Variants in HCN1 observed in about 807,000 individuals in gnomAD.
HCN1 encodes potassium/sodium hyperpolarization-activated cyclic nucleotide-gated channel 1.
A neutral mutation model predicts 78.9 loss-of-function variants in HCN1; 13 were observed. The observed-to-expected ratio is 0.16, with a 90% CI of 0.11 to 0.26. The LOEUF is 0.26. Ranked by LOEUF, HCN1 falls within the 10% of genes least tolerant of loss-of-function variation. The probability of loss-of-function intolerance (pLI) is 1.00; values close to 1 mark genes in which losing one functional copy is unlikely to be tolerated. For synonymous variants in HCN1, 552 were observed against 455.5 expected (o/e 1.21, Z -2.70); for missense variants, 810 against 1,154.3 (o/e 0.70, Z 4.32).
intron 2 of HCN1, among the ~76,000 whole-genome samples, chr5:45,638,719 A>T (rs1258454034): frequency 6.6e-6 from 1 of 152,184 alleles, no homozygotes; most frequent in African/African-American, 2.4e-5. Flanking sequence ...CCTGGCCAAC[A>T]TGGTGAAACC....
chr5:45,292,212 C>T (rs755942434), intron 6 of HCN1, among the ~76,000 whole-genome samples: 10 of 151,948 alleles, frequency 6.6e-5, no homozygotes, highest in Admixed American at 6.6e-5. Context: ...CCTTGCAAAT[C>T]TCCATTATCT....
intron 3 of HCN1, among the ~76,000 whole-genome samples, chr5:45,398,386 A>G (rs1739725091): frequency 6.6e-6 from 1 of 152,154 alleles, no homozygotes; most frequent in African/African-American, 2.4e-5. Flanking sequence ...TGACATTGAT[A>G]TAATGTACTC....
chr5:45,317,077 A>G (rs1305678533), intron 5 of HCN1, among the ~76,000 whole-genome samples: 2 of 152,168 alleles, frequency 1.3e-5, no homozygotes, highest in Admixed American at 1.3e-4. Context: ...TTTAAAGTTC[A>G]TATGGGGCCA....
intron 5 of HCN1, among the ~76,000 whole-genome samples, chr5:45,343,851 A>G (rs1038678339): frequency 6.6e-6 from 1 of 151,988 alleles, no homozygotes; most frequent in Non-Finnish European, 1.5e-5. Context: ...AAGCCAAAAA[A>G]AAATTAAAAA....
chr5:45,430,163 A>G (rs1391557263), intron 3 of HCN1, among the ~76,000 whole-genome samples: 1 of 152,216 alleles, frequency 6.6e-6, no homozygotes, highest in Non-Finnish European at 1.5e-5. Context: ...TCTGTCTTAC[A>G]ATTAGGCAGA....
intron 3 of HCN1, among the ~76,000 whole-genome samples, chr5:45,440,194 T>C (rs974268273): frequency 6.6e-6 from 1 of 151,984 alleles, no homozygotes; most frequent in Middle Eastern, 3.4e-3. Context: ...TTTTAGTTTA[T>C]CTTCACTGAT....
intron 5 of HCN1, among the ~76,000 whole-genome samples, chr5:45,314,899 T>C (rs1052197532): frequency 1.3e-5 from 2 of 151,992 alleles, no homozygotes; most frequent in Non-Finnish European, 2.9e-5. Context: ...TACAGGAGCA[T>C]CCAGATTCAT....
At position 45,428,924 on chromosome 5, in the gene HCN1, TGA is replaced by T. The variant is rs1163825352; in HGVS notation, c.1012-32216_1012-32215del. Among the ~76,000 whole-genome samples the T allele has an allele frequency of 4.6e-5, 7 of 152,176 alleles. No individual in the cohort carries two copies. The East Asian group carries it at 1.4e-3, about 29-fold the overall frequency. ...GTGCATAAGGAAGTCAATAAAGGCT[TGA>T]GAGAAAAAATGGAAACAATATTCTG... On this transcript the variant is annotated intron_variant, in intron 3 of 7. Transcript: ENST00000303230.
At chr5:45,396,932 G>A (rs767640098) in intron 3 of HCN1, among the ~76,000 whole-genome samples, 17 of 152,100 alleles carry the variant, frequency 1.1e-4, no homozygotes, top group South Asian at 4.1e-4. Context: ...ACTTACATGC[G>A]CTTTGTCAGT....
At chr5:45,672,787 C>A (rs1746176393) in intron 1 of HCN1, among the ~76,000 whole-genome samples, 1 of 151,336 alleles carries the variant, frequency 6.6e-6, no homozygotes, top group African/African-American at 2.4e-5. Flanking sequence ...TGCCCTGAGT[C>A]TTTCGCTGCT....
In HCN1 at chr5:45,675,214, C is replaced by T. The variant is rs144842313; in HGVS notation, c.425+20455G>A. Among the ~76,000 whole-genome samples the T allele has an allele frequency of 2.0e-5, 3 of 151,756 alleles. No homozygotes were observed. In the East Asian group the frequency reaches 5.8e-4, roughly 30 times the overall value. ...TATCGAGTCTGATAGTAGCTTGGCC[C>T]CCAATTCAGATGTGGCATGAGATCA... is the stretch of plus-strand genomic sequence containing the variant. On this transcript the variant is annotated intron_variant, in intron 1 of 7. Transcript: ENST00000303230.
chr5:45,580,877 T>A (rs779136472), intron 2 of HCN1, among the ~76,000 whole-genome samples: 2 of 152,180 alleles, frequency 1.3e-5, no homozygotes, highest in Non-Finnish European at 2.9e-5. Context: ...CTCATCCTTT[T>A]TATGGCTGCA....
At chr5:45,689,689 G>C (rs1739871311) in intron 1 of HCN1, among the ~76,000 whole-genome samples, 1 of 152,058 alleles carries the variant, frequency 6.6e-6, no homozygotes, top group African/African-American at 2.4e-5. Flanking sequence ...CATGTAATGA[G>C]GCTGCATATA....
chr5:45,485,571 ACT>A (rs1156849858), intron 2 of HCN1, among the ~76,000 whole-genome samples: 1 of 152,186 alleles, frequency 6.6e-6, no homozygotes, highest in Non-Finnish European at 1.5e-5. Flanking sequence ...GAAGGGAAAT[ACT>A]CATGGCTTAT....
chr5:45,533,204 A>G (rs1742895215), intron 2 of HCN1, among the ~76,000 whole-genome samples: 1 of 152,230 alleles, frequency 6.6e-6, no homozygotes, highest in African/African-American at 2.4e-5. Flanking sequence ...CTTTTGTAGA[A>G]AACATTGCAC....
chr5:45,480,395 A>G (rs1218379969), intron 2 of HCN1, among the ~76,000 whole-genome samples: 1 of 152,146 alleles, frequency 6.6e-6, no homozygotes, highest in Non-Finnish European at 1.5e-5. Flanking sequence ...TTTAATACAT[A>G]TTTTTTAAAT....
In HCN1 at chr5:45,284,165, G is replaced by C. The variant is rs929021502; in HGVS notation, c.1619-16912C>G. On this transcript the variant is annotated intron_variant, in intron 6 of 7. Coordinates refer to ENST00000303230, the MANE Select transcript of HCN1 (RefSeq NM_021072.4). ...GGATAGAGGGTAGGAGAGAGGAACA[G>C]AAAGGATAACAATTGGGTATTAGGC... 3.5e-4 allele frequency among the ~76,000 whole-genome samples: 54 copies of C among 152,196 alleles called. 2 individuals carry two copies. The highest frequency in any genetic ancestry group is 7.2e-5 in the African/African-American group (3 of 41,556).
intron 3 of HCN1, among the ~76,000 whole-genome samples, chr5:45,448,672 A>G (rs1339985847): frequency 2.0e-5 from 3 of 152,216 alleles, no homozygotes; most frequent in African/African-American, 7.2e-5. Flanking sequence ...TATACAGTAC[A>G]TCTGCTTGTA....
At chr5:45,360,143 T>TA (rs930163983) in intron 4 of HCN1, among the ~76,000 whole-genome samples, 2 of 151,500 alleles carry the variant, frequency 1.3e-5, no homozygotes, top group Non-Finnish European at 3.0e-5. Context: ...TCCAGTTGAA[T>TA]AAAAATATAT....
Sources: allele counts gnomAD v4.1 joint callset (sites outside exome capture counted in the v4.1 genomes callset), GRCh38; gene constraint gnomAD v4.1.1; transcripts MANE v1.5; gene names NCBI Gene and HGNC (gene_info 2026-07-23, HGNC 2026-07-21).